Variants in APP observed in about 807,000 individuals in gnomAD.
The protein encoded by APP is amyloid-beta precursor protein.
In APP, 31 loss-of-function variants were observed where a neutral mutation model predicts 101.4. That is an observed-to-expected ratio of 0.31 (90% CI 0.23 to 0.41). APP has a LOEUF of 0.41. APP is among the 10% of genes least tolerant of loss of function. The pLI, the probability that APP is intolerant of heterozygous loss-of-function variation, is 1.00. For synonymous variants in APP, 366 were observed against 364.4 expected (o/e 1.00, Z -0.05); for missense variants, 839 against 1,003.7 (o/e 0.84, Z 2.22).
chr21:26,170,778 G>C, upstream of APP: 2 of 772,048 alleles, frequency 2.6e-6, no homozygotes, highest in South Asian at 2.3e-5. Flanking sequence ...GACGGAGCCC[G>C]AGCGCGGCGG....
At chr21:25,902,419 G>A (rs2038549842) in intron 15 of APP, among the ~76,000 whole-genome samples, 1 of 152,228 alleles carries the variant, frequency 6.6e-6, no homozygotes, top group African/African-American at 2.4e-5. Flanking sequence ...CACAAAAACA[G>A]AACACACGCA....
chr21:25,957,503 G>GA (rs2146500074), intron 11 of APP, among the ~76,000 whole-genome samples: 1 of 152,276 alleles, frequency 6.6e-6, no homozygotes, highest in African/African-American at 2.4e-5. Context: ...CAAGGTCTTA[G>GA]AAATCTCTCT....
intron 5 of APP, among the ~76,000 whole-genome samples, chr21:26,042,106 TGCG>T (rs371028037): frequency 1.6e-3 from 245 of 152,328 alleles, no homozygotes; most frequent in African/African-American, 5.6e-3. Context: ...TGATTCACTT[TGCG>T]GCCCTCTAAA....
At chr21:25,948,964 G>A (rs778485450) in intron 13 of APP, among the ~76,000 whole-genome samples, 42 of 152,030 alleles carry the variant, frequency 2.8e-4, no homozygotes, top group Non-Finnish European at 5.0e-4. Context: ...TGATTCCATC[G>A]TTTGTTGAAT....
At chr21:26,147,060 T>C (rs765418755) in intron 1 of APP, among the ~76,000 whole-genome samples, 6 of 152,252 alleles carry the variant, frequency 3.9e-5, no homozygotes, top group Non-Finnish European at 8.8e-5. Flanking sequence ...GACCTATCTA[T>C]GCATGGGATG....
intron 13 of APP, among the ~76,000 whole-genome samples, chr21:25,927,907 C>G (rs147498079): frequency 6.6e-6 from 1 of 152,196 alleles, no homozygotes; most frequent in Non-Finnish European, 1.5e-5. Context: ...ACCAGCCAGG[C>G]TCCCTGGCAT....
At chr21:25,959,167 G>C (rs1389132295) in intron 11 of APP, among the ~76,000 whole-genome samples, 3 of 152,258 alleles carry the variant, frequency 2.0e-5, no homozygotes, top group African/African-American at 4.8e-5. Flanking sequence ...AGGCGCCGTG[G>C]CTCACGCCTG....
At chr21:26,020,448 A>G (rs2044288438) in intron 6 of APP, among the ~76,000 whole-genome samples, 1 of 152,232 alleles carries the variant, frequency 6.6e-6, no homozygotes, top group East Asian at 1.9e-4. Flanking sequence ...CACCTTAATA[A>G]GGTAAAAAAT....
chr21:25,888,422 G>A (rs554335756), intron 17 of APP, among the ~76,000 whole-genome samples: 97 of 152,234 alleles, frequency 6.4e-4, no homozygotes, highest in African/African-American at 2.3e-3. Context: ...TCTTTTTTGA[G>A]GACAGAAAAG....
chr21:26,157,712 TTAAAA>T (rs1443832292), intron 1 of APP, among the ~76,000 whole-genome samples: 1 of 152,226 alleles, frequency 6.6e-6, no homozygotes, highest in African/African-American at 2.4e-5. Flanking sequence ...AGGTAAGGAA[TTAAAA>T]TAAATTTTAA....
At chr21:25,945,884 G>T (rs530394734) in intron 13 of APP, 29 of 455,588 alleles carry the variant, frequency 6.4e-5, no homozygotes, top group South Asian at 4.0e-4. Context: ...GTCTTGCCAT[G>T]TTTCCCATTC....
chr21:26,028,909 G>A (rs1298457403), intron 5 of APP, among the ~76,000 whole-genome samples: 1 of 152,124 alleles, frequency 6.6e-6, no homozygotes, highest in Non-Finnish European at 1.5e-5. Flanking sequence ...TGATAGATGT[G>A]TGCCAGGGAT....
intron 1 of APP, among the ~76,000 whole-genome samples, chr21:26,117,994 G>A (rs1200725714): frequency 6.6e-6 from 1 of 152,158 alleles, no homozygotes; most frequent in African/African-American, 2.4e-5. Context: ...CTCCCTTGAT[G>A]TTTTTCACGG....
chr21:25,952,743 AAAACAAAC>A (rs35999452), intron 13 of APP, among the ~76,000 whole-genome samples: 8 of 151,674 alleles, frequency 5.3e-5, no homozygotes, highest in Non-Finnish European at 1.2e-4. Flanking sequence ...ATAGCTGTAA[AAAACAAAC>A]AAACAAACAA....
intron 16 of APP, among the ~76,000 whole-genome samples, chr21:25,895,975 T>C (rs2038017492): frequency 6.6e-6 from 1 of 152,344 alleles, no homozygotes; most frequent in African/African-American, 2.4e-5. Flanking sequence ...CATTAGTCAC[T>C]GTCGCATTAT....
chr21:25,896,917 G>GA (rs1427503364), intron 16 of APP, among the ~76,000 whole-genome samples: 2 of 152,292 alleles, frequency 1.3e-5, no homozygotes, highest in African/African-American at 4.8e-5. Context: ...TTCCGGATGT[G>GA]AATTTAAGCC....
At chr21:25,938,727 T>A (rs1210450920) in intron 13 of APP, among the ~76,000 whole-genome samples, 1 of 152,144 alleles carries the variant, frequency 6.6e-6, no homozygotes, top group African/African-American at 2.4e-5. Context: ...TCCAAGGACT[T>A]AAAGCAGCTA....
intron 3 of APP, among the ~76,000 whole-genome samples, chr21:26,082,088 G>A (rs2061610110): frequency 6.6e-6 from 1 of 151,994 alleles, no homozygotes; most frequent in South Asian, 2.1e-4. Flanking sequence ...GCGTGGTGGC[G>A]GGTGCCAGTA....
At chr21:25,909,208 A>G (rs2038937656) in intron 14 of APP, among the ~76,000 whole-genome samples, 1 of 147,230 alleles carries the variant, frequency 6.8e-6, no homozygotes, top group Admixed American at 7.0e-5. Context: ...GTTTGCAGTG[A>G]GCTGAGATCG....
Sources: allele counts gnomAD v4.1 joint callset (sites outside exome capture counted in the v4.1 genomes callset), GRCh38; gene constraint gnomAD v4.1.1; transcripts MANE v1.5; gene names NCBI Gene and HGNC (gene_info 2026-07-23, HGNC 2026-07-21).